Variants in SESTD1 observed in about 807,000 individuals in gnomAD.
SESTD1 encodes SEC14 domain and spectrin repeat-containing protein 1.
A neutral mutation model predicts 101.7 loss-of-function variants in SESTD1; 43 were observed. The ratio of observed to expected loss-of-function variants is 0.42; its 90% CI spans 0.33 to 0.55. SESTD1 has a LOEUF of 0.55. Among genes scored for constraint, SESTD1 ranks in the 20% least tolerant of loss-of-function variants. The probability of loss-of-function intolerance (pLI) is 0.07; values close to 1 mark genes in which losing one functional copy is unlikely to be tolerated. For missense variants in SESTD1, 647 were observed against 815.1 expected, an observed-to-expected ratio of 0.79 and a Z score of 2.51; for synonymous variants, 283 against 286.8, an observed-to-expected ratio of 0.99 and a Z score of 0.13.
intron 1 of SESTD1, among the ~76,000 whole-genome samples, chr2:179,253,371 T>C (rs1266619894): frequency 6.6e-6 from 1 of 152,154 alleles, no homozygotes; most frequent in East Asian, 1.9e-4. Flanking sequence ...AAAGCAAGTC[T>C]CCAGTTAACA....
chr2:179,165,357 T>C (rs1296056624), intron 5 of SESTD1, among the ~76,000 whole-genome samples: 1 of 152,218 alleles, frequency 6.6e-6, no homozygotes, highest in Non-Finnish European at 1.5e-5. Flanking sequence ...ATTTAATCAC[T>C]ATTAATTTCT....
intron 2 of SESTD1, among the ~76,000 whole-genome samples, chr2:179,188,811 C>T (rs1217102152): frequency 6.6e-6 from 1 of 152,130 alleles, no homozygotes; most frequent in African/African-American, 2.4e-5. Flanking sequence ...TCTGTGCACA[C>T]TAACTAGAAA....
At chr2:179,246,411 T>C (rs1285686031) in intron 1 of SESTD1, among the ~76,000 whole-genome samples, 1 of 152,076 alleles carries the variant, frequency 6.6e-6, no homozygotes, top group Non-Finnish European at 1.5e-5. Flanking sequence ...CTGAAAAATA[T>C]GTGAAGCAAA....
intron 1 of SESTD1, among the ~76,000 whole-genome samples, chr2:179,218,177 T>C (rs1359967615): frequency 6.6e-6 from 1 of 152,146 alleles, no homozygotes; most frequent in Non-Finnish European, 1.5e-5. Context: ...TCCACATTCT[T>C]CTACAATGGG....
chr2:179,161,718 G>A (rs888209720), intron 5 of SESTD1, among the ~76,000 whole-genome samples: 15 of 150,866 alleles, frequency 9.9e-5, no homozygotes, highest in African/African-American at 2.7e-4. Flanking sequence ...CTATTTTCAT[G>A]ACCTGATATT....
intron 1 of SESTD1, among the ~76,000 whole-genome samples, chr2:179,220,910 T>C (rs2046805206): frequency 6.6e-6 from 1 of 152,194 alleles, no homozygotes; most frequent in South Asian, 2.1e-4. Flanking sequence ...ATATTCCAGA[T>C]ATATAAGATT....
At chr2:179,147,759 G>C (rs1223195171) in intron 7 of SESTD1, among the ~76,000 whole-genome samples, 1 of 152,138 alleles carries the variant, frequency 6.6e-6, no homozygotes, top group East Asian at 1.9e-4. Context: ...TTCTCAAAGA[G>C]GGAAATACAG....
intron 1 of SESTD1, among the ~76,000 whole-genome samples, chr2:179,210,067 GCACA>G (rs1311930210): frequency 7.5e-6 from 1 of 133,358 alleles, no homozygotes; most frequent in African/African-American, 3.0e-5. Context: ...ACACCATTAT[GCACA>G]CAAACTAGAA....
intron 1 of SESTD1, among the ~76,000 whole-genome samples, chr2:179,197,462 C>G (rs1426193249): frequency 6.6e-6 from 1 of 152,064 alleles, no homozygotes; most frequent in Admixed American, 6.6e-5. Context: ...CAGAGAACAC[C>G]ACAAAGATAC....
chr2:179,215,568 G>A (rs1189685756), intron 1 of SESTD1, among the ~76,000 whole-genome samples: 1 of 134,204 alleles, frequency 7.5e-6, no homozygotes. Context: ...GGTACAAAGA[G>A]GAGCTGGTAC....
intron 3 of SESTD1, among the ~76,000 whole-genome samples, chr2:179,179,041 A>G (rs74871990): frequency 1.5e-4 from 23 of 152,316 alleles, no homozygotes; most frequent in Admixed American, 1.2e-3. Flanking sequence ...AAGATGGATA[A>G]TGAAAATACA....
At chr2:179,111,376 G>C (rs1052218505) in intron 17 of SESTD1, among the ~76,000 whole-genome samples, 6 of 152,300 alleles carry the variant, frequency 3.9e-5, no homozygotes, top group Non-Finnish European at 2.9e-5. Context: ...TTATGTGTCA[G>C]ATCTGTTTTA....
Position 179,123,821 on chromosome 2 carries a change from C to T in SESTD1, c.1176G>A (p.Gln392=). 1 of 1,612,974 alleles carries T rather than the reference C, an allele frequency of 6.2e-7. No individual in the cohort carries two copies. The change falls in exon 12 of 18, where the codon CAG becomes CAA. Residue 392 remains glutamine, a synonymous_variant. Transcript: ENST00000428443. ...EFHGVAQDLS[Q]QLDGLLGMLC... ...ACATCCCTAATAAGCCATCCAACTG[C>T]TGAGACAACTAAAGCAGAGGGACAC... is the stretch of plus-strand genomic sequence containing the variant.
chr2:179,263,560 G>A (rs2047512532), intron 1 of SESTD1, among the ~76,000 whole-genome samples: 1 of 152,132 alleles, frequency 6.6e-6, no homozygotes, highest in Non-Finnish European at 1.5e-5. Context: ...CAAGCAAAAC[G>A]TGAAGTAAGA....
At chr2:179,252,876 C>A (rs1039367298) in intron 1 of SESTD1, among the ~76,000 whole-genome samples, 17 of 152,206 alleles carry the variant, frequency 1.1e-4, no homozygotes, top group Admixed American at 9.2e-4. Context: ...CTCCTTTCCT[C>A]TCCTGGTTTG....
intron 12 of SESTD1, 81 bp from the exon 13 acceptor site, chr2:179,122,010 T>C (rs1458478281): frequency 4.3e-6 from 6 of 1,395,420 alleles, no homozygotes; most frequent in African/African-American, 1.5e-5. Context: ...TCATCAGATA[T>C]TGTACCTGGA....
chr2:179,106,282 A>G lies in SESTD1; in HGVS notation c.*3617T>C, dbSNP rs562549335. On this transcript the variant is annotated 3_prime_UTR_variant, in exon 18 of 18. Transcript: ENST00000428443. ...GGCTGAAGATGTAAAGGACATTAGC[A>G]ACCACAGTATGTTTAGTTTTTAGTA... 3 of 152,320 alleles carry G rather than the reference A, an allele frequency of 2.0e-5. No homozygotes were observed. Among genetic ancestry groups the G allele is most frequent in the Admixed American group, 2.0e-4 (3 of 15,290 alleles). The allele number at this position is 152,320 out of a possible 1,614,324, so 9.4% of individuals were successfully genotyped here.
intron 2 of SESTD1, among the ~76,000 whole-genome samples, chr2:179,183,539 A>AC (rs2046155256): frequency 6.6e-6 from 1 of 152,146 alleles, no homozygotes; most frequent in South Asian, 2.1e-4. Flanking sequence ...TTTCCAATCA[A>AC]CCTAGGAAGA....
chr2:179,139,307 G>A (rs1438657179), intron 9 of SESTD1, among the ~76,000 whole-genome samples: 2 of 152,040 alleles, frequency 1.3e-5, no homozygotes, highest in African/African-American at 4.8e-5. Context: ...ATGAAAAAAA[G>A]ACACATCACA....
Sources: allele counts gnomAD v4.1 joint callset (sites outside exome capture counted in the v4.1 genomes callset), GRCh38; gene constraint gnomAD v4.1.1; transcripts MANE v1.5; gene names NCBI Gene and HGNC (gene_info 2026-07-23, HGNC 2026-07-21).